Variants in HIVEP2 observed in about 807,000 individuals in gnomAD.
The protein encoded by HIVEP2 is transcription factor HIVEP2.
Under a neutral mutation model 180.7 loss-of-function variants are expected in HIVEP2, and 14 were observed. The observed-to-expected ratio is 0.08, with a 90% CI of 0.05 to 0.12. The LOEUF is 0.12. Among genes scored for constraint, HIVEP2 ranks in the 10% least tolerant of loss-of-function variants. HIVEP2 has a pLI of 1.00. For synonymous variants in HIVEP2, 1,184 were observed against 1,136.4 expected (o/e 1.04, Z -0.84); for missense variants, 2,579 against 3,008.5 (o/e 0.86, Z 3.34).
At chr6:142,880,315 C>A (rs909322452) in intron 1 of HIVEP2, among the ~76,000 whole-genome samples, 2 of 152,084 alleles carry the variant, frequency 1.3e-5, no homozygotes, top group Admixed American at 1.3e-4. Flanking sequence ...CCATAACTTG[C>A]ACCCTCCCCC....
At chr6:142,919,770 A>T (rs1451700416) in intron 1 of HIVEP2, among the ~76,000 whole-genome samples, 1 of 152,218 alleles carries the variant, frequency 6.6e-6, no homozygotes, top group African/African-American at 2.4e-5. Context: ...TTAAAAATTG[A>T]TACCCTGACA....
intron 9 of HIVEP2, among the ~76,000 whole-genome samples, chr6:142,757,214 G>A (rs1775099238): frequency 6.6e-6 from 1 of 152,114 alleles, no homozygotes; most frequent in Non-Finnish European, 1.5e-5. Flanking sequence ...GGCAGTGCTT[G>A]GGACGAACTG....
At chr6:142,851,942 G>A in intron 1 of HIVEP2, among the ~76,000 whole-genome samples, 1 of 152,130 alleles carries the variant, frequency 6.6e-6, no homozygotes, top group Non-Finnish European at 1.5e-5. Context: ...TTAGAACGAA[G>A]GTCATTGCTT....
chr6:142,769,893 T>C lies in HIVEP2; in HGVS notation c.4846A>G (p.Ser1616Gly). 2.5e-6 allele frequency: 4 copies of C among 1,614,094 alleles called. No homozygotes were observed. Among genetic ancestry groups the C allele is most frequent in the Non-Finnish European group, 3.4e-6 (4 of 1,180,040 alleles). The change falls in exon 5 of 10, where the codon AGC (serine) becomes GGC (glycine). Residue 1616 changes from serine (S) to glycine (G), a missense_variant. By Grantham distance (56) the Ser-to-Gly change is moderately conservative. Around this residue, in one of 11 missense-constraint regions of HIVEP2, gnomAD observed 349 missense variants for 367.2 expected, o/e 0.95. Coordinates refer to ENST00000367603, the MANE Select transcript of HIVEP2 (RefSeq NM_006734.4). ...AGAGTTGAGTCTGCCACGTTCCCGCTGGGGGCAGAGGCCATGCGGACCAGC... is the reference window on the plus strand; with the variant it reads ...AGAGTTGAGTCTGCCACGTTCCCGCCGGGGGCAGAGGCCATGCGGACCAGC... ...GMLVRMASAPSGNVADSTLLL... is the reference protein window; with the variant it reads ...GMLVRMASAPGGNVADSTLLL...
chr6:142,855,563 A>C (rs867938770), intron 1 of HIVEP2, among the ~76,000 whole-genome samples: 2 of 152,214 alleles, frequency 1.3e-5, no homozygotes, highest in South Asian at 2.1e-4. Context: ...GCAAATACTT[A>C]ATGTATTAAT....
intron 1 of HIVEP2, among the ~76,000 whole-genome samples, chr6:142,837,617 G>A (rs1775256959): frequency 6.6e-6 from 1 of 151,992 alleles, no homozygotes; most frequent in South Asian, 2.1e-4. Context: ...CACAGAAAGT[G>A]TTTACTCTCC....
rs35458257 is a variant in HIVEP2, at chr6:142,771,282, G to A, written c.3457C>T (p.Leu1153=). Residue 1153 remains leucine, a synonymous_variant, in exon 5 of 10, where the codon CTG becomes TTG. Transcript: ENST00000367603. This position sits in a 1 kb window ranked among gnomAD's most constrained non-coding sequence, Gnocchi z 5.4. ...CPPLSSGPLH[L]AQPQIMHMDS... is the part of the protein sequence containing the mutation. Reference sequence around the variant, plus strand: ...ATGTGCATGATCTGTGGCTGGGCCAGGTGCAGTGGCCCCGAGCTCAGCGGG... The same window carrying A: ...ATGTGCATGATCTGTGGCTGGGCCAAGTGCAGTGGCCCCGAGCTCAGCGGG... 1,364 of 1,613,760 alleles carry A rather than the reference G, an allele frequency of 8.5e-4. 14 individuals carry two copies. The African/African-American group carries it at 0.017, about 20-fold the overall frequency.
Position 142,775,039 on chromosome 6 carries a change from G to T in HIVEP2, c.-301C>A, listed in dbSNP as rs1271527975. ...GCATTTGAAAATTTTCAACTAGGAT[G>T]AAATTGGGATGATGAATAGTCTAGG... On this transcript the variant is annotated 5_prime_UTR_variant, in exon 5 of 10. An upstream open reading frame in the 5' UTR gains an earlier in-frame stop. Transcript: ENST00000367603. 3 of 1,115,982 alleles carry T rather than the reference G, an allele frequency of 2.7e-6. No individual in the cohort carries two copies. The highest frequency in any genetic ancestry group is 5.2e-5 in the East Asian group (1 of 19,174). 69.1% of individuals were successfully genotyped at this position (1,115,982 alleles called of 1,614,324 possible). A position where few individuals can be genotyped will look rare whatever the true frequency, so the allele number is the denominator to read the frequency against.
chr6:142,757,182 T>C (rs1190311957), intron 9 of HIVEP2, among the ~76,000 whole-genome samples: 1 of 152,102 alleles, frequency 6.6e-6, no homozygotes, highest in African/African-American at 2.4e-5. Flanking sequence ...CAGTGTCCTG[T>C]GGTGTGAGAA....
chr6:142,870,658 G>A (rs1776269770), intron 1 of HIVEP2, among the ~76,000 whole-genome samples: 1 of 151,922 alleles, frequency 6.6e-6, no homozygotes, highest in Non-Finnish European at 1.5e-5. Context: ...AAGTGCTCTG[G>A]GTGCATTACT....
intron 1 of HIVEP2, among the ~76,000 whole-genome samples, chr6:142,870,187 T>G (rs1171064788): frequency 6.6e-6 from 1 of 151,876 alleles, no homozygotes; most frequent in East Asian, 1.9e-4. Context: ...AGGTTATTAT[T>G]GACTTGAACA....
chr6:142,762,956 C>G (rs533560595), intron 7 of HIVEP2, among the ~76,000 whole-genome samples: 1 of 152,184 alleles, frequency 6.6e-6, no homozygotes, highest in Non-Finnish European at 1.5e-5. Flanking sequence ...ATGCTTAAAT[C>G]TAGAAAATTA....
intron 2 of HIVEP2, among the ~76,000 whole-genome samples, chr6:142,788,830 C>T (rs1776070753): frequency 6.6e-6 from 1 of 152,120 alleles, no homozygotes; most frequent in South Asian, 2.1e-4. Flanking sequence ...AAACAGATTA[C>T]AAAGGAGATT....
At chr6:142,906,400 T>C (rs1777265826) in intron 1 of HIVEP2, among the ~76,000 whole-genome samples, 1 of 151,774 alleles carries the variant, frequency 6.6e-6, no homozygotes, top group Non-Finnish European at 1.5e-5. Flanking sequence ...AAAAAATAAC[T>C]AAGAAATAAA....
intron 1 of HIVEP2, among the ~76,000 whole-genome samples, chr6:142,857,301 C>A (rs1284347092): frequency 6.6e-6 from 1 of 152,082 alleles, no homozygotes; most frequent in Non-Finnish European, 1.5e-5. Flanking sequence ...TCAAACAGTT[C>A]TTCTACAATA....
At chr6:142,932,518 C>A (rs559861538) in intron 1 of HIVEP2, among the ~76,000 whole-genome samples, 1 of 151,926 alleles carries the variant, frequency 6.6e-6, no homozygotes, top group South Asian at 2.1e-4. Context: ...ACAATCTGAT[C>A]CCTGGGAAAT....
At chr6:142,868,382 T>C (rs1043692026) in intron 1 of HIVEP2, among the ~76,000 whole-genome samples, 3 of 152,182 alleles carry the variant, frequency 2.0e-5, no homozygotes, top group African/African-American at 7.2e-5. Flanking sequence ...CAAAACACAT[T>C]TTAAAGAGCA....
At chr6:142,927,513 C>A (rs1582972369) in intron 1 of HIVEP2, among the ~76,000 whole-genome samples, 1 of 152,044 alleles carries the variant, frequency 6.6e-6, no homozygotes, top group East Asian at 1.9e-4. Flanking sequence ...GCAAGAAGGC[C>A]CCCTGAGACG....
At chr6:142,843,310 T>G (rs569262912) in intron 1 of HIVEP2, among the ~76,000 whole-genome samples, 3 of 152,190 alleles carry the variant, frequency 2.0e-5, no homozygotes. Context: ...TAGTTACCTG[T>G]GCCAGTTGTT....
Sources: allele counts gnomAD v4.1 joint callset (sites outside exome capture counted in the v4.1 genomes callset), GRCh38; gene constraint gnomAD v4.1.1; regional missense constraint gnomAD v4.1.1; non-coding constraint Gnocchi (gnomAD v3.1); transcripts MANE v1.5; gene names NCBI Gene and HGNC (gene_info 2026-07-23, HGNC 2026-07-21).